Variants in SCN11A observed in about 807,000 individuals in gnomAD.
SCN11A encodes the protein sodium voltage-gated channel alpha subunit 11.
Under a neutral mutation model 162.2 loss-of-function variants are expected in SCN11A, and 122 were observed. That is an observed-to-expected ratio of 0.75 (90% CI 0.65 to 0.87). The LOEUF (loss-of-function observed/expected upper bound fraction) is 0.87. Ranked by LOEUF, SCN11A falls within the 40% of genes least tolerant of loss-of-function variation. The pLI is 0.00. For synonymous variants in SCN11A, 758 were observed against 751.5 expected, an observed-to-expected ratio of 1.01 and a Z score of -0.14; for missense variants, 2,015 against 2,181.6, an observed-to-expected ratio of 0.92 and a Z score of 1.52.
intron 22 of SCN11A, 53 bp from the exon 23 acceptor site, chr3:38,880,176 C>T: frequency 7.5e-7 from 1 of 1,324,674 alleles, no homozygotes; most frequent in Non-Finnish European, 1.0e-6. Flanking sequence ...CAAAGAACTC[C>T]TTGGTAACTT....
Position 38,951,494 on chromosome 3 carries a change from C to G in SCN11A, c.-7-1125G>C, listed in dbSNP as rs372843917. On this transcript the variant is annotated intron_variant, in intron 4 of 29. Coordinates refer to ENST00000302328, the MANE Select transcript of SCN11A (RefSeq NM_001349253.2). ...CCGACAAGCACCGCCCTCTGCTCCA[C>G]GGCGCCCAGTCCCATCGACCGCCCA... Among the ~76,000 whole-genome samples the G allele has an allele frequency of 1.1e-4, 16 of 152,266 alleles. 1 individual carries two copies. The highest frequency in any genetic ancestry group is 1.4e-4 in the African/African-American group (6 of 41,474).
chr3:38,907,961 A>G lies in SCN11A; in HGVS notation c.1461T>C (p.Asp487=). The change falls in exon 14 of 30, where the codon GAT becomes GAC. Residue 487 remains aspartate, a synonymous_variant. Transcript: ENST00000302328. ...DQPPGSDSDE[D]CQKKPQLLEQ... is the part of the protein sequence containing the mutation. ...GGAAAAGACTTACCTTTTTTTGGCA[A>G]TCTTCATCAGAATCTGACCCAGGAG... The G allele has an allele frequency of 2.5e-6, 4 of 1,597,808 alleles. No homozygotes were observed. The highest frequency in any genetic ancestry group is 2.6e-6 in the Non-Finnish European group (3 of 1,175,952).
intron 1 of SCN11A, among the ~76,000 whole-genome samples, chr3:39,036,521 A>G (rs1026255803): frequency 6.6e-6 from 1 of 152,222 alleles, no homozygotes; most frequent in South Asian, 2.1e-4. Context: ...GTCAAGCTAA[A>G]AAGCTTCTGC....
intron 1 of SCN11A, among the ~76,000 whole-genome samples, chr3:39,039,074 C>A (rs1038344945): frequency 2.0e-5 from 3 of 152,148 alleles, no homozygotes; most frequent in African/African-American, 7.2e-5. Flanking sequence ...TCAATCAATA[C>A]CATAACCTTC....
intron 2 of SCN11A, among the ~76,000 whole-genome samples, chr3:38,991,184 T>C (rs565237978): frequency 2.6e-5 from 4 of 152,284 alleles, no homozygotes; most frequent in Non-Finnish European, 5.9e-5. Context: ...TACAACTAAA[T>C]ATTGTTTTAT....
At chr3:39,003,558 T>C (rs1047601089) in intron 2 of SCN11A, among the ~76,000 whole-genome samples, 1 of 152,240 alleles carries the variant, frequency 6.6e-6, no homozygotes, top group Non-Finnish European at 1.5e-5. Context: ...CTAATGAGAT[T>C]GCTGGGTTGA....
chr3:38,861,480 T>C (rs1325304259), intron 28 of SCN11A, among the ~76,000 whole-genome samples: 1 of 152,080 alleles, frequency 6.6e-6, no homozygotes, highest in Non-Finnish European at 1.5e-5. Context: ...TCACATTACC[T>C]GACTTTAAAC....
intron 4 of SCN11A, among the ~76,000 whole-genome samples, chr3:38,951,662 G>A: frequency 6.6e-6 from 1 of 152,248 alleles, no homozygotes; most frequent in East Asian, 1.9e-4. Context: ...CTCAGGGATT[G>A]TAAATACACC....
intron 14 of SCN11A, 56 bp from the exon 15 acceptor site, chr3:38,905,377 C>T (rs1425739375): frequency 6.3e-7 from 1 of 1,577,790 alleles, no homozygotes; most frequent in African/African-American, 1.4e-5. Flanking sequence ...CTCCTCAAAA[C>T]TTAACAAACT....
chr3:39,023,438 A>G (rs1328922753), intron 2 of SCN11A, among the ~76,000 whole-genome samples: 1 of 152,002 alleles, frequency 6.6e-6, no homozygotes, highest in Non-Finnish European at 1.5e-5. Flanking sequence ...CATGACTTTT[A>G]TATTTCTATT....
chr3:39,007,111 T>A (rs2031001152), intron 2 of SCN11A, among the ~76,000 whole-genome samples: 1 of 151,976 alleles, frequency 6.6e-6, no homozygotes, highest in Admixed American at 6.6e-5. Context: ...ACCTAGGAAA[T>A]GCCCAGTACA....
At chr3:38,930,765 T>C (rs879755361) in intron 7 of SCN11A, among the ~76,000 whole-genome samples, 28 of 152,150 alleles carry the variant, frequency 1.8e-4, no homozygotes, top group Non-Finnish European at 4.0e-4. Context: ...TGCCTCCTTG[T>C]ATGAAGACAT....
chr3:38,903,756 G>A, intron 16 of SCN11A, 109 bp downstream of exon 16: 1 of 778,750 alleles, frequency 1.3e-6, no homozygotes, highest in South Asian at 2.0e-5. Context: ...CACTGAAGGG[G>A]ACCAAAAACC....
At position 38,993,158 on chromosome 3, in the gene SCN11A, T is replaced by C. The variant is rs970557790; in HGVS notation, c.-279-32735A>G. Reference sequence around the variant, plus strand: ...GTTTGAGATGACTGTGACTCCCAAGTGCTTGAGAATCCACCTGGACTCCTC... The same window carrying C: ...GTTTGAGATGACTGTGACTCCCAAGCGCTTGAGAATCCACCTGGACTCCTC... On this transcript the variant is annotated intron_variant, in intron 2 of 29. Transcript: ENST00000302328. Among the ~76,000 whole-genome samples the C allele has an allele frequency of 2.6e-5, 4 of 152,236 alleles. 1 individual carries two copies. Among genetic ancestry groups the C allele is most frequent in the African/African-American group, 9.6e-5 (4 of 41,460 alleles).
intron 28 of SCN11A, among the ~76,000 whole-genome samples, chr3:38,859,217 A>C (rs1359625471): frequency 6.6e-6 from 1 of 152,182 alleles, no homozygotes; most frequent in African/African-American, 2.4e-5. Context: ...AAAAAATACA[A>C]ATGGTAAATG....
chr3:38,882,544 G>A (rs766983140), intron 22 of SCN11A, among the ~76,000 whole-genome samples: 5 of 152,116 alleles, frequency 3.3e-5, no homozygotes, highest in Admixed American at 1.3e-4. Context: ...AGGAGAGGGC[G>A]AAATATGCAG....
chr3:39,038,999 GATCT>G (rs2031975053), intron 1 of SCN11A, among the ~76,000 whole-genome samples: 2 of 152,138 alleles, frequency 1.3e-5, no homozygotes, highest in Non-Finnish European at 1.5e-5. Context: ...GCATTTGGTA[GATCT>G]ATCTGTTTAA....
At chr3:38,989,342 C>T (rs773893498) in intron 2 of SCN11A, among the ~76,000 whole-genome samples, 3 of 152,106 alleles carry the variant, frequency 2.0e-5, no homozygotes, top group Admixed American at 6.5e-5. Context: ...AGCAGAAACC[C>T]GCTGCCCTGA....
intron 7 of SCN11A, among the ~76,000 whole-genome samples, chr3:38,931,753 TGCTAGCCA>T (rs2125559295): frequency 6.6e-6 from 1 of 152,336 alleles, no homozygotes; most frequent in Admixed American, 6.5e-5. Context: ...TACAAACAGC[TGCTAGCCA>T]GCTTTCACCA....
Sources: gnomAD v4.1 joint callset for allele counts (sites outside exome capture counted in the v4.1 genomes callset) on GRCh38, gnomAD v4.1.1 for gene constraint, MANE v1.5 for transcripts, NCBI Gene and HGNC (gene_info 2026-07-23, HGNC 2026-07-21) for gene names.